Variants in WWC2 observed in about 807,000 individuals in gnomAD.
WWC2 encodes WW and C2 domain containing 2, also known as protein WWC2.
WWC2 carries 101 observed loss-of-function variants against 138.5 expected under a neutral mutation model. That is an observed-to-expected ratio of 0.73 (90% CI 0.62 to 0.86). WWC2 has a LOEUF of 0.86. Among genes scored for constraint, WWC2 ranks in the 40% least tolerant of loss-of-function variants. The pLI, the probability that WWC2 is intolerant of heterozygous loss-of-function variation, is 0.00. For missense variants in WWC2, 1,420 were observed against 1,419.4 expected (o/e 1.00, Z -0.01); for synonymous variants, 558 against 538.4 (o/e 1.04, Z -0.50).
At chr4:183,187,032 A>T (rs991904143) in intron 1 of WWC2, among the ~76,000 whole-genome samples, 1 of 151,944 alleles carries the variant, frequency 6.6e-6, no homozygotes, top group Non-Finnish European at 1.5e-5. Context: ...TTCCTAACCC[A>T]TTGCACCAGG....
intron 4 of WWC2, among the ~76,000 whole-genome samples, chr4:183,211,189 A>G (rs1157730838): frequency 6.6e-6 from 1 of 152,218 alleles, no homozygotes; most frequent in Non-Finnish European, 1.5e-5. Flanking sequence ...TCAAAAACTT[A>G]TATTTGAACC....
intron 19 of WWC2, among the ~76,000 whole-genome samples, chr4:183,284,646 G>A (rs1443955347): frequency 6.6e-6 from 1 of 152,200 alleles, no homozygotes; most frequent in Admixed American, 6.5e-5. Flanking sequence ...AAGGATCTGA[G>A]TGCTGAGTAT....
chr4:183,206,501 G>A (rs1184377362), intron 2 of WWC2, among the ~76,000 whole-genome samples: 2 of 152,110 alleles, frequency 1.3e-5, no homozygotes, highest in African/African-American at 4.8e-5. Context: ...TTTAAAACAT[G>A]TATTACTGAA....
Position 183,208,135 on chromosome 4 carries a change from A to G in WWC2, c.424A>G (p.Lys142Glu). Residue 142 changes from lysine to glutamate, a missense_variant, in exon 3 of 23, where the codon AAG becomes GAG. Physicochemically the swap from Lys to Glu is moderately conservative, Grantham distance 56. Transcript: ENST00000403733. ...YVRLNDAYKE[K>E]SSSHTSLFSG... is the part of the protein sequence containing the mutation. ...GCGATTAAATGATGCCTATAAGGAA[A>G]AGTCAAGTTCTCACACAAGCTGTAA... The G allele has an allele frequency of 6.2e-7, 1 of 1,613,706 alleles. No individual in the cohort carries two copies. Among genetic ancestry groups the G allele is most frequent in the Non-Finnish European group, 8.5e-7 (1 of 1,179,670 alleles).
Position 183,245,400 on chromosome 4 carries a change from T to G in WWC2, c.603-16T>G. On this transcript the variant is annotated splice_polypyrimidine_tract_variant and intron_variant, in intron 5 of 22. Coordinates refer to ENST00000403733, the MANE Select transcript of WWC2 (RefSeq NM_024949.6). ...TCATTCTTTGATATTTTTTCTTTCT[T>G]TTTCTCTTTTCACAGAATTGATAAA... 6.6e-7 allele frequency: 1 copy of G among 1,512,460 alleles called. No homozygotes were observed. The highest frequency in any genetic ancestry group is 8.8e-7 in the Non-Finnish European group (1 of 1,137,476). 93.7% of individuals were successfully genotyped at this position (1,512,460 alleles called of 1,614,324 possible). A position where few individuals can be genotyped will look rare whatever the true frequency, so the allele number is the denominator to read the frequency against.
rs1304336999 is a variant in WWC2, at chr4:183,318,447, T to C, written c.*2718T>C. 1 of 152,306 alleles carries C rather than the reference T, an allele frequency of 6.6e-6. No homozygotes were observed. Among genetic ancestry groups the C allele is most frequent in the East Asian group, 1.9e-4 (1 of 5,180 alleles). The allele number at this position is 152,306 out of a possible 1,614,324, so 9.4% of individuals were successfully genotyped here. On this transcript the variant is annotated 3_prime_UTR_variant, in exon 23 of 23. Transcript: ENST00000403733. ...TACATCACATAGATTAACTGGTTTC[T>C]GCACTTTCCATGTGTTTGTGGGTGG...
At chr4:183,209,755 G>A (rs1325318545) in intron 4 of WWC2, among the ~76,000 whole-genome samples, 2 of 152,112 alleles carry the variant, frequency 1.3e-5, no homozygotes, top group Non-Finnish European at 2.9e-5. Context: ...CCTGAATCTT[G>A]GCCTGAATCT....
At chr4:183,210,235 C>T (rs1370285731) in intron 4 of WWC2, among the ~76,000 whole-genome samples, 3 of 151,760 alleles carry the variant, frequency 2.0e-5, no homozygotes, top group Non-Finnish European at 4.4e-5. Context: ...ATCAAATATA[C>T]TGAGATAGAG....
At chr4:183,283,822 A>G (rs1738159111) in intron 18 of WWC2, among the ~76,000 whole-genome samples, 1 of 152,172 alleles carries the variant, frequency 6.6e-6, no homozygotes, top group Non-Finnish European at 1.5e-5. Flanking sequence ...ATTTATTTGG[A>G]AAACAATGTA....
chr4:183,104,604 C>CA (rs1302971217), intron 1 of WWC2, among the ~76,000 whole-genome samples: 1 of 152,042 alleles, frequency 6.6e-6, no homozygotes, highest in Admixed American at 6.6e-5. Flanking sequence ...GTCTGGGTGC[C>CA]AAGTGGTTAC....
intron 9 of WWC2, among the ~76,000 whole-genome samples, chr4:183,255,832 A>G (rs1737115720): frequency 6.6e-6 from 1 of 151,748 alleles, no homozygotes; most frequent in Non-Finnish European, 1.5e-5. Context: ...TTGTTTGCAC[A>G]CACATAGTAA....
At chr4:183,177,299 A>G (rs1479910331) in intron 1 of WWC2, among the ~76,000 whole-genome samples, 1 of 152,196 alleles carries the variant, frequency 6.6e-6, no homozygotes, top group Non-Finnish European at 1.5e-5. Context: ...AAGTGAAATA[A>G]TTATGTAAAA....
chr4:183,245,864 A>G (rs1054376303), intron 6 of WWC2, among the ~76,000 whole-genome samples: 4 of 152,224 alleles, frequency 2.6e-5, no homozygotes, highest in African/African-American at 7.2e-5. Context: ...TGAAAACTTC[A>G]TATGAGTCCC....
chr4:183,177,676 A>T (rs1734504734), intron 1 of WWC2, among the ~76,000 whole-genome samples: 1 of 152,170 alleles, frequency 6.6e-6, no homozygotes, highest in Non-Finnish European at 1.5e-5. Context: ...AAAGAGTAAC[A>T]TTTATGAACA....
At chr4:183,180,422 A>T (rs1734594653) in intron 1 of WWC2, among the ~76,000 whole-genome samples, 1 of 152,174 alleles carries the variant, frequency 6.6e-6, no homozygotes, top group Non-Finnish European at 1.5e-5. Context: ...TTCGTAGAAT[A>T]CTGTGCCTGT....
intron 4 of WWC2, among the ~76,000 whole-genome samples, chr4:183,236,886 A>G (rs1381171126): frequency 6.6e-6 from 1 of 152,166 alleles, no homozygotes; most frequent in African/African-American, 2.4e-5. Context: ...CAATCCATGA[A>G]CATGGTCTAT....
chr4:183,151,053 C>T (rs1186143700), intron 1 of WWC2, among the ~76,000 whole-genome samples: 1 of 152,142 alleles, frequency 6.6e-6, no homozygotes, highest in African/African-American at 2.4e-5. Context: ...GGTATATACC[C>T]AGTAATGAGA....
At chr4:183,284,163 A>G in intron 18 of WWC2, 63 bp from the exon 19 acceptor site, 2 of 1,581,084 alleles carry the variant, frequency 1.3e-6, no homozygotes, top group Non-Finnish European at 1.7e-6. Context: ...TCTTTCTTAG[A>G]AGAAAGGAGC....
chr4:183,205,875 A>G (rs1735433209), intron 2 of WWC2, among the ~76,000 whole-genome samples: 1 of 152,082 alleles, frequency 6.6e-6, no homozygotes. Flanking sequence ...ATAGCGTCCC[A>G]GTTGTCCTTT....
Sources: allele counts gnomAD v4.1 joint callset (sites outside exome capture counted in the v4.1 genomes callset), GRCh38; gene constraint gnomAD v4.1.1; transcripts MANE v1.5; gene names NCBI Gene and HGNC (gene_info 2026-07-23, HGNC 2026-07-21).